The following DPP10 variants were observed in gnomAD, a reference collection of about 807,000 sequenced individuals.
The protein encoded by DPP10 is dipeptidyl peptidase like 10.
Under a neutral mutation model 120.9 loss-of-function variants are expected in DPP10, and 33 were observed. That is an observed-to-expected ratio of 0.27 (90% confidence interval 0.21 to 0.37). DPP10 has a LOEUF of 0.37. DPP10 is among the 10% of genes least tolerant of loss of function. DPP10 has a pLI of 1.00. For missense variants in DPP10, 816 were observed against 942.8 expected (o/e 0.87, Z 1.76); for synonymous variants, 337 against 326.1 (o/e 1.03, Z -0.36).
At chr2:115,795,711 G>A (rs1684458160) in intron 19 of DPP10, among the ~76,000 whole-genome samples, 1 of 152,098 alleles carries the variant, frequency 6.6e-6, no homozygotes, top group Non-Finnish European at 1.5e-5. Context: ...AATATATTCA[G>A]TTATTCATAT....
intron 1 of DPP10, among the ~76,000 whole-genome samples, chr2:114,934,305 A>G (rs1696297355): frequency 6.6e-6 from 1 of 152,240 alleles, no homozygotes; most frequent in Non-Finnish European, 1.5e-5. Flanking sequence ...CCAATAACAT[A>G]AACAGTTAAT....
intron 1 of DPP10, among the ~76,000 whole-genome samples, chr2:114,840,062 A>G (rs1225651672): frequency 6.6e-6 from 1 of 152,128 alleles, no homozygotes. Context: ...CTCCACAAAC[A>G]TCCCCACTGG....
rs145914035 is a variant in DPP10 at position 114,867,287 on chromosome 2, C to T, written c.60+424449C>T. ...CACCTTTTGAGCATCTTATTCAATACAATTTGAGTTATGGGAACTTTTTAA... is the reference window on the plus strand; with the variant it reads ...CACCTTTTGAGCATCTTATTCAATATAATTTGAGTTATGGGAACTTTTTAA... On this transcript the variant is annotated intron_variant, in intron 1 of 25. Coordinates refer to ENST00000410059, the MANE Select transcript of DPP10 (RefSeq NM_020868.6). 7.2e-3 allele frequency among the ~76,000 whole-genome samples: 1,096 copies of T among 152,254 alleles called. 7 individuals are homozygous for T. The highest frequency in any genetic ancestry group is 0.025 in the African/African-American group (1,046 of 41,550).
intron 1 of DPP10, among the ~76,000 whole-genome samples, chr2:114,873,465 C>T (rs940390300): frequency 2.6e-5 from 4 of 152,072 alleles, no homozygotes; most frequent in African/African-American, 9.7e-5. Context: ...TTTTGTTTTG[C>T]CAACCAACAC....
chr2:115,491,340 T>C (rs1037915743), intron 3 of DPP10, among the ~76,000 whole-genome samples: 5 of 152,040 alleles, frequency 3.3e-5, no homozygotes, highest in South Asian at 2.1e-4. Flanking sequence ...ATAAGAGTTA[T>C]AGAGGAAAGA....
intron 1 of DPP10, among the ~76,000 whole-genome samples, chr2:114,569,223 C>G (rs931542730): frequency 4.0e-5 from 6 of 151,736 alleles, no homozygotes; most frequent in Non-Finnish European, 7.4e-5. Flanking sequence ...TAATTCACCT[C>G]TTGTGCTTGT....
intron 1 of DPP10, among the ~76,000 whole-genome samples, chr2:114,715,326 G>C (rs1235363812): frequency 6.6e-6 from 1 of 151,888 alleles, no homozygotes; most frequent in African/African-American, 2.4e-5. Flanking sequence ...TCTTTTAATG[G>C]CCAGGTTGTC....
At chr2:114,855,028 A>T (rs912955038) in intron 1 of DPP10, among the ~76,000 whole-genome samples, 2 of 152,164 alleles carry the variant, frequency 1.3e-5, no homozygotes, top group Non-Finnish European at 2.9e-5. Flanking sequence ...AGAGAAAAAG[A>T]TGAAAAAGTG....
At chr2:115,835,979 T>C (rs1168546971) in intron 21 of DPP10, among the ~76,000 whole-genome samples, 178 bp from the exon 22 acceptor site, 1 of 152,078 alleles carries the variant, frequency 6.6e-6, no homozygotes, top group Non-Finnish European at 1.5e-5. Context: ...TTGTACAAAA[T>C]GATTTTGGCT....
At chr2:114,444,827 C>CA (rs1470555502) in intron 1 of DPP10, among the ~76,000 whole-genome samples, 1 of 151,726 alleles carries the variant, frequency 6.6e-6, no homozygotes, top group East Asian at 1.9e-4. Flanking sequence ...CTCTGGGGAG[C>CA]AAAAAAATGC....
rs2067384705 is a variant in DPP10, at chr2:115,392,472, A to C, written c.271+48560A>C. On this transcript the variant is annotated intron_variant, in intron 3 of 25. Transcript: ENST00000410059. Reference sequence around the variant, plus strand: ...TTTAATTCTTATATTTCACAAATAAAGATGTATGCTTTCATTAAAACGTGT... The same window carrying C: ...TTTAATTCTTATATTTCACAAATAACGATGTATGCTTTCATTAAAACGTGT... Among the ~76,000 whole-genome samples, 4 of 147,688 alleles carry C rather than the reference A, an allele frequency of 2.7e-5. No homozygotes were observed. The Admixed American group carries it at 2.7e-4, about 10-fold the overall frequency.
intron 1 of DPP10, among the ~76,000 whole-genome samples, chr2:115,151,407 TCTTA>T (rs1469184753): frequency 2.0e-5 from 3 of 147,314 alleles, no homozygotes; most frequent in Non-Finnish European, 4.5e-5. Flanking sequence ...AGGATTACTT[TCTTA>T]TACTTTTTTT....
intron 1 of DPP10, among the ~76,000 whole-genome samples, chr2:114,644,289 C>T (rs1472744093): frequency 4.6e-5 from 7 of 150,790 alleles, no homozygotes. Context: ...ATTCTTTTTG[C>T]CCAACATACA....
intron 8 of DPP10, among the ~76,000 whole-genome samples, chr2:115,730,834 G>T (rs1279718967): frequency 6.6e-6 from 1 of 152,112 alleles, no homozygotes; most frequent in Non-Finnish European, 1.5e-5. Context: ...TATAGTTTTT[G>T]CCATACTTTG....
intron 3 of DPP10, among the ~76,000 whole-genome samples, chr2:115,407,923 A>G (rs2068647714): frequency 6.6e-6 from 1 of 152,168 alleles, no homozygotes; most frequent in Non-Finnish European, 1.5e-5. Context: ...TTTAGGATGC[A>G]TTCAAAAGGG....
chr2:114,746,222 C>G (rs990897088), intron 1 of DPP10, among the ~76,000 whole-genome samples: 1 of 152,094 alleles, frequency 6.6e-6, no homozygotes, highest in African/African-American at 2.4e-5. Context: ...TGTTTCAATC[C>G]TTACCCAAAT....
intron 1 of DPP10, among the ~76,000 whole-genome samples, chr2:114,557,748 G>A (rs539308617): frequency 1.3e-5 from 2 of 152,084 alleles, no homozygotes; most frequent in Non-Finnish European, 2.9e-5. Flanking sequence ...CTCGGCTCGC[G>A]ACTAGCTGAA....
intron 1 of DPP10, among the ~76,000 whole-genome samples, chr2:114,528,749 C>A (rs946903432): frequency 1.3e-5 from 2 of 151,700 alleles, no homozygotes; most frequent in Non-Finnish European, 2.9e-5. Flanking sequence ...TTTCCTTTTT[C>A]TTATATTTTC....
At chr2:114,889,435 C>T (rs1692354606) in intron 1 of DPP10, among the ~76,000 whole-genome samples, 1 of 150,906 alleles carries the variant, frequency 6.6e-6, no homozygotes, top group Admixed American at 6.6e-5. Flanking sequence ...AAAATATATA[C>T]ATATATATAT....
Sources: gnomAD v4.1 joint callset for allele counts (sites outside exome capture counted in the v4.1 genomes callset) on GRCh38, gnomAD v4.1.1 for gene constraint, MANE v1.5 for transcripts, NCBI Gene and HGNC (gene_info 2026-07-23, HGNC 2026-07-21) for gene names.